EPS8L2: variants seen among roughly 807,000 people sequenced by gnomAD.
EPS8L2 encodes the protein EPS8 signaling adaptor L2, also known as epidermal growth factor receptor kinase substrate 8-like protein 2.
Under a neutral mutation model 99.4 loss-of-function variants are expected in EPS8L2, and 81 were observed. The observed-to-expected ratio is 0.82, with a 90% CI of 0.68 to 0.98. The LOEUF is 0.98. Ranked by LOEUF, EPS8L2 falls within the 50% of genes least tolerant of loss-of-function variation. The pLI, the probability that EPS8L2 is intolerant of heterozygous loss-of-function variation, is 0.00. For synonymous variants in EPS8L2, 509 were observed against 407.3 expected, an observed-to-expected ratio of 1.25 and a Z score of -3.01; for missense variants, 1,155 against 968.8, an observed-to-expected ratio of 1.19 and a Z score of -2.55.
At chr11:713,284 C>T (rs1861936108) in intron 4 of EPS8L2, among the ~76,000 whole-genome samples, 2 of 152,188 alleles carry the variant, frequency 1.3e-5, no homozygotes, top group Non-Finnish European at 1.5e-5. Context: ...CCACCATAGT[C>T]GACCCATCAG....
At chr11:707,285 TA>T (rs1359819619) in intron 1 of EPS8L2, among the ~76,000 whole-genome samples, 2 of 152,098 alleles carry the variant, frequency 1.3e-5, no homozygotes, top group African/African-American at 2.4e-5. Context: ...CCTCAAGCCA[TA>T]GCTTCCAAAC....
chr11:708,561 C>CACCTGCCCTCCAGT (rs1171202079), intron 1 of EPS8L2: 1 of 152,298 alleles, frequency 6.6e-6, no homozygotes, highest in Non-Finnish European at 1.5e-5. Context: ...GCCCCCACCA[C>CACCTGCCCTCCAGT]ACCTGCCCTC....
At position 721,085 on chromosome 11, in the gene EPS8L2, G is replaced by A; in HGVS notation, c.579G>A (p.Arg193=). The A allele has an allele frequency of 6.6e-7, 1 of 1,507,510 alleles. No homozygotes were observed. Among genetic ancestry groups the A allele is most frequent in the Non-Finnish European group, 8.9e-7 (1 of 1,129,000 alleles). The allele number at this position is 1,507,510 out of a possible 1,614,324, so 93.4% of individuals were successfully genotyped here. Residue 193 remains arginine (R), a synonymous_variant, in exon 8 of 21, where the codon CGG becomes CGA. Coordinates refer to ENST00000318562, the MANE Select transcript of EPS8L2 (RefSeq NM_022772.4). Reference sequence around the variant, plus strand: ...CCAGGGGACACCAGGAGAAGATTCGGCAGCGGCAGTCCATCCTGCCTCCTC... The same window carrying A: ...CCAGGGGACACCAGGAGAAGATTCGACAGCGGCAGTCCATCCTGCCTCCTC... The part of the protein sequence containing the change: ...QTLKGHQEKI[R]QRQSILPPPQ...
At position 720,914 on chromosome 11, in the gene EPS8L2, GGCAGCGGGCGGAGCGGGGTC is replaced by G; in HGVS notation, c.557+10_557+29del. Reference sequence around the variant, plus strand: ...GATGCGGCCGCAGACCCTGAAGTAGGGCAGCGGGCGGAGCGGGGTCGCAGGGGGCGGGGAGGGGAGGAGCC... The same window carrying G: ...GATGCGGCCGCAGACCCTGAAGTAGGGCAGGGGGCGGGGAGGGGAGGAGCC... On this transcript the variant is annotated splice_donor_region_variant and intron_variant, in intron 7 of 20. Transcript: ENST00000318562. 2 of 1,475,900 alleles carry G rather than the reference GGCAGCGGGCGGAGCGGGGTC, an allele frequency of 1.4e-6. No individual in the cohort carries two copies. The highest frequency in any genetic ancestry group is 2.1e-5 in the Admixed American group (1 of 48,258). The allele number at this position is 1,475,900 out of a possible 1,614,324, so 91.4% of individuals were successfully genotyped here.
intron 4 of EPS8L2, among the ~76,000 whole-genome samples, chr11:715,618 G>GTTTT (rs929222502): frequency 5.8e-5 from 7 of 120,036 alleles, no homozygotes; most frequent in East Asian, 2.3e-4. Flanking sequence ...TTTTTCTTTT[G>GTTTT]TTTTTTTTTT....
At position 720,620 on chromosome 11, in the gene EPS8L2, G is replaced by T. The variant is rs907755581; in HGVS notation, c.351G>T (p.Leu117=). Residue 117 remains leucine, a synonymous_variant, in exon 6 of 21, where the codon CTG becomes CTT. Transcript: ENST00000318562. ...ESQEELEDFP[L]PTVQRSQTVL... is the part of the protein sequence containing the mutation. Reference sequence around the variant, plus strand: ...AGGAGGAGCTGGAAGACTTCCCGCTGCCCACGGTGCAGCGCAGCCAGACGG... The same window carrying T: ...AGGAGGAGCTGGAAGACTTCCCGCTTCCCACGGTGCAGCGCAGCCAGACGG... The T allele has an allele frequency of 1.3e-6, 2 of 1,599,864 alleles. No individual in the cohort carries two copies. The highest frequency in any genetic ancestry group is 2.7e-5 in the African/African-American group (2 of 74,826).
At chr11:722,051 C>A (rs1342711668) in intron 11 of EPS8L2, 40 bp from the exon 12 acceptor site, 7 of 1,607,726 alleles carry the variant, frequency 4.4e-6, no homozygotes, top group Non-Finnish European at 5.9e-6. Flanking sequence ...GTGGAGGCCC[C>A]GCCCCGCCCC....
At position 720,763 on chromosome 11, in the gene EPS8L2, CGGGGCAGGGT is replaced by C; in HGVS notation, c.477+23_477+32del. 4 of 922,786 alleles carry C rather than the reference CGGGGCAGGGT, an allele frequency of 4.3e-6. No homozygotes were observed. Among genetic ancestry groups the C allele is most frequent in the South Asian group, 4.3e-5 (3 of 70,272 alleles). 57.2% of individuals were successfully genotyped at this position (922,786 alleles called of 1,614,324 possible). A position where few individuals can be genotyped will look rare whatever the true frequency, so the allele number is the denominator to read the frequency against. On this transcript the variant is annotated intron_variant, in intron 6 of 20. Transcript: ENST00000318562. Reference sequence around the variant, plus strand: ...GAGGTGGAGGTGAGGCGGTGCCGGGCGGGGCAGGGTGGGGCCCCGCCGCGCCGCGCCCCGC... The same window carrying C: ...GAGGTGGAGGTGAGGCGGTGCCGGGCGGGGCCCCGCCGCGCCGCGCCCCGC...
intron 17 of EPS8L2, 50 bp from the exon 18 acceptor site, chr11:726,048 G>T (rs1405147185): frequency 7.3e-7 from 1 of 1,377,132 alleles, no homozygotes; most frequent in Non-Finnish European, 1.0e-6. Flanking sequence ...GGCAGGTGCT[G>T]GGAGGCGGGG....
At chr11:721,512 G>A in intron 9 of EPS8L2, 53 bp from the exon 10 acceptor site, 1 of 1,520,408 alleles carries the variant, frequency 6.6e-7, no homozygotes, top group South Asian at 1.3e-5. Flanking sequence ...CCTGCAGCAA[G>A]GCGGGGCGGT....
chr11:712,244 C>T (rs1399154096), intron 4 of EPS8L2, among the ~76,000 whole-genome samples: 2 of 152,052 alleles, frequency 1.3e-5, no homozygotes, highest in African/African-American at 4.8e-5. Context: ...CGGGATTGCG[C>T]CACTGCACTC....
chr11:724,754 G>T lies in EPS8L2; in HGVS notation c.1485G>T (p.Lys495Asn). 6.2e-7 allele frequency: 1 copy of T among 1,613,602 alleles called. No homozygotes were observed. Among genetic ancestry groups the T allele is most frequent in the Non-Finnish European group, 8.5e-7 (1 of 1,179,970 alleles). ...RGYQPTPAMA[K>N]YVKILYDFTA... ...ACCAGCCAACACCAGCCATGGCCAA[G>T]TACGTCAAGATCCTGTATGACTTCA... The change falls in exon 16 of 21, where the codon AAG becomes AAT. Residue 495 changes from lysine (K) to asparagine (N), a missense_variant. Transcript: ENST00000318562. This position sits in a 1 kb window ranked among gnomAD's most constrained non-coding sequence, Gnocchi z 5.5.
At position 722,394 on chromosome 11, in the gene EPS8L2, G is replaced by GC; in HGVS notation, c.1060-3dup. 1 of 1,612,312 alleles carries GC rather than the reference G, an allele frequency of 6.2e-7. No individual in the cohort carries two copies. The highest frequency in any genetic ancestry group is 8.5e-7 in the Non-Finnish European group (1 of 1,179,702). ...CTCAGTCCCCTCTGAACCTCACTGT[G>GC]CCCCAGATCGTCAACACCTGCAGTG... On this transcript the variant is annotated splice_region_variant and splice_polypyrimidine_tract_variant and intron_variant, in intron 12 of 20. Coordinates refer to ENST00000318562, the MANE Select transcript of EPS8L2 (RefSeq NM_022772.4).
rs1408844978 is a variant in EPS8L2 at position 726,081 on chromosome 11, G to GC, written c.1681-11dup. 2 of 1,516,728 alleles carry GC rather than the reference G, an allele frequency of 1.3e-6. No individual in the cohort carries two copies. Among genetic ancestry groups the GC allele is most frequent in the Non-Finnish European group, 1.8e-6 (2 of 1,110,312 alleles). The allele number at this position is 1,516,728 out of a possible 1,614,324, so 94.0% of individuals were successfully genotyped here. On this transcript the variant is annotated splice_polypyrimidine_tract_variant and intron_variant, in intron 17 of 20. Coordinates refer to ENST00000318562, the MANE Select transcript of EPS8L2 (RefSeq NM_022772.4). ...GGGGCGGGGCGTGGGGAGCCTAATC[G>GC]CCCCCCGCCCCCGCAGGCCGGTCAG...
rs1333380477 is a variant in EPS8L2 at position 721,622 on chromosome 11, G to A, written c.826G>A (p.Ala276Thr). The change falls in exon 10 of 21, where the codon GCA becomes ACA. Residue 276 changes from alanine (A) to threonine (T), a missense_variant. Ala to Thr is a moderately conservative substitution (Grantham distance 58). Coordinates refer to ENST00000318562, the MANE Select transcript of EPS8L2 (RefSeq NM_022772.4). ...IEWFVARLQK[A>T]AEAFKQLNQR... Reference sequence around the variant, plus strand: ...GTGGTTTGTGGCCCGGCTGCAGAAGGCAGCCGAGGCTTTCAAGCAGCTGAA... The same window carrying A: ...GTGGTTTGTGGCCCGGCTGCAGAAGACAGCCGAGGCTTTCAAGCAGCTGAA... The A allele has an allele frequency of 1.9e-6, 3 of 1,573,160 alleles. No homozygotes were observed. Among genetic ancestry groups the A allele is most frequent in the African/African-American group, 2.8e-5 (2 of 72,422 alleles).
In EPS8L2 at chr11:710,567, A is replaced by C. The variant is rs7396652; in HGVS notation, c.165+81A>C. On this transcript the variant is annotated intron_variant, in intron 4 of 20. Coordinates refer to ENST00000318562, the MANE Select transcript of EPS8L2 (RefSeq NM_022772.4). ...CTGTCCTCAGGTTCTCGTCTCCACA[A>C]AAAATAAAATAATTAGACGGGCATG... 0.27 allele frequency: 348,735 copies of C among 1,280,874 alleles called. 49,709 individuals are homozygous for C. The highest frequency in any genetic ancestry group is 0.34 in the Middle Eastern group (1,816 of 5,406). 79.3% of individuals were successfully genotyped at this position (1,280,874 alleles called of 1,614,324 possible).
intron 4 of EPS8L2, among the ~76,000 whole-genome samples, chr11:715,366 C>G (rs1388860288): frequency 6.6e-6 from 1 of 152,178 alleles, no homozygotes. Flanking sequence ...TATTAATCCC[C>G]TCTCCTGCCT....
intron 4 of EPS8L2, among the ~76,000 whole-genome samples, chr11:715,147 C>T (rs1315211105): frequency 5.3e-5 from 8 of 151,658 alleles, no homozygotes; most frequent in African/African-American, 1.9e-4. Context: ...GAGGCTGAGG[C>T]AGGAGAATGG....
rs1862263512 is a variant in EPS8L2, at chr11:724,395, C to G, written c.1455-329C>G. ...CGGGGAGCTGTGACCCTGGCGTTTC[C>G]CAGGAACGCCCCTGGCTCTGGTTCC... On this transcript the variant is annotated intron_variant, in intron 15 of 20. Coordinates refer to ENST00000318562, the MANE Select transcript of EPS8L2 (RefSeq NM_022772.4). This position sits in a 1 kb window ranked among gnomAD's most constrained non-coding sequence, Gnocchi z 5.5. Among the ~76,000 whole-genome samples, 1 of 152,182 alleles carries G rather than the reference C, an allele frequency of 6.6e-6. No homozygotes were observed. Among genetic ancestry groups the G allele is most frequent in the African/African-American group, 2.4e-5 (1 of 41,448 alleles).
Sources: gnomAD v4.1 joint callset for allele counts (sites outside exome capture counted in the v4.1 genomes callset) on GRCh38, gnomAD v4.1.1 for gene constraint, Gnocchi (gnomAD v3.1) non-coding constraint, MANE v1.5 for transcripts, NCBI Gene and HGNC (gene_info 2026-07-23, HGNC 2026-07-21) for gene names.